Variants in HTRA2 observed in about 807,000 individuals in gnomAD.
The protein encoded by HTRA2 is serine protease HTRA2, mitochondrial.
HTRA2 carries 24 observed loss-of-function variants against 42.2 expected under a neutral mutation model. The ratio of observed to expected loss-of-function variants is 0.57; its 90% CI spans 0.41 to 0.80. HTRA2 has a LOEUF of 0.80. HTRA2 is among the 30% of genes least tolerant of loss of function. HTRA2 has a pLI of 0.00. For missense variants in HTRA2, 466 were observed against 613.5 expected, an observed-to-expected ratio of 0.76 and a Z score of 2.54; for synonymous variants, 245 against 255.8, an observed-to-expected ratio of 0.96 and a Z score of 0.40.
intron 4 of HTRA2, 55 bp from the exon 5 acceptor site, chr2:74,531,542 C>A: frequency 6.2e-7 from 1 of 1,612,864 alleles, no homozygotes; most frequent in Non-Finnish European, 8.5e-7. Flanking sequence ...TGTTCGGGTG[C>A]CCCCATCCCC....
chr2:74,531,186 G>A (rs1012038303), intron 3 of HTRA2, 81 bp downstream of exon 3: 1 of 1,554,256 alleles, frequency 6.4e-7, no homozygotes, highest in Non-Finnish European at 8.9e-7. Context: ...CTGATATATG[G>A]TGGATGAGCC....
rs1675543355 is a variant in HTRA2, at chr2:74,530,886, G to T, written c.712-25G>T. 1.2e-6 allele frequency: 2 copies of T among 1,614,142 alleles called. No homozygotes were observed. The highest frequency in any genetic ancestry group is 1.1e-5 in the South Asian group (1 of 91,080). On this transcript the variant is annotated intron_variant, in intron 2 of 7. Coordinates refer to ENST00000258080, the MANE Select transcript of HTRA2 (RefSeq NM_013247.5). The surrounding 1 kb of genome is among the most constrained non-coding windows in gnomAD (Gnocchi z 7.4). ...ATTTGCTCGCATCTTCAGATGACAG[G>T]TCTCTTTTACCCATTCTCCCTTAGG... is the stretch of plus-strand genomic sequence containing the variant.
Position 74,529,983 on chromosome 2 carries a change from G to A in HTRA2, c.-24G>A, listed in dbSNP as rs963881310. On this transcript the variant is annotated 5_prime_UTR_variant, in exon 1 of 8. Coordinates refer to ENST00000258080, the MANE Select transcript of HTRA2 (RefSeq NM_013247.5). ...GGTGCCGCCTCTGAGTAGGGCGGGC[G>A]AGGAGGCAGCCAAGGCGGAGCTGAT... 1.3e-6 allele frequency: 2 copies of A among 1,515,628 alleles called. No individual in the cohort carries two copies. The highest frequency in any genetic ancestry group is 2.8e-5 in the African/African-American group (2 of 71,990). The allele number at this position is 1,515,628 out of a possible 1,614,324, so 93.9% of individuals were successfully genotyped here. A position where few individuals can be genotyped will look rare whatever the true frequency, so the allele number is the denominator to read the frequency against.
intron 6 of HTRA2, 156 bp from the exon 7 acceptor site, chr2:74,532,463 G>C (rs1675682046): frequency 1.6e-5 from 11 of 690,502 alleles, no homozygotes; most frequent in South Asian, 1.4e-4. Flanking sequence ...GCACTTTATT[G>C]CTAGAAGACA....
In HTRA2 at chr2:74,530,995, C is replaced by T; in HGVS notation, c.796C>T (p.Leu266=). The part of the protein sequence containing the change: ...FVVAMGSPFA[L]QNTITSGIVS... ...TGTTGCCATGGGAAGTCCCTTTGCA[C>T]TGCAGAACACGATCACATCCGGCAT... The change falls in exon 3 of 8, where the codon CTG becomes TTG. Residue 266 remains leucine, a synonymous_variant. Transcript: ENST00000258080. This position sits in a 1 kb window ranked among gnomAD's most constrained non-coding sequence, Gnocchi z 7.4. 6.2e-7 allele frequency: 1 copy of T among 1,614,236 alleles called. No homozygotes were observed. Among genetic ancestry groups the T allele is most frequent in the Non-Finnish European group, 8.5e-7 (1 of 1,180,042 alleles).
chr2:74,530,721 G>T lies in HTRA2; in HGVS notation c.611G>T (p.Arg204Leu). 1.2e-6 allele frequency: 2 copies of T among 1,614,204 alleles called. No homozygotes were observed. The highest frequency in any genetic ancestry group is 1.7e-6 in the Non-Finnish European group (2 of 1,180,030). Residue 204 changes from arginine (R) to leucine (L), a missense_variant, in exon 2 of 8, where the codon CGC becomes CTC. By Grantham distance (102) the Arg-to-Leu change is moderately radical. Coordinates refer to ENST00000258080, the MANE Select transcript of HTRA2 (RefSeq NM_013247.5). The surrounding 1 kb of genome is among the most constrained non-coding windows in gnomAD (Gnocchi z 7.4). ...VTNAHVVADR[R>L]RVRVRLLSGD... Reference sequence around the variant, plus strand: ...AACGCCCATGTGGTGGCTGATCGGCGCAGAGTCCGTGTGAGACTGCTAAGC... The same window carrying T: ...AACGCCCATGTGGTGGCTGATCGGCTCAGAGTCCGTGTGAGACTGCTAAGC...
upstream of HTRA2, chr2:74,529,899 C>G (rs1675457332): frequency 2.9e-5 from 43 of 1,458,392 alleles, no homozygotes; most frequent in Non-Finnish European, 3.9e-5. Context: ...GCGTGCACTT[C>G]TGAAGGACTT....
In HTRA2 at chr2:74,530,896, C is replaced by A. The variant is rs749313302; in HGVS notation, c.712-15C>A. 1.9e-6 allele frequency: 3 copies of A among 1,614,160 alleles called. No homozygotes were observed. In the South Asian group the frequency reaches 3.3e-5, roughly 18 times the overall value. Reference sequence around the variant, plus strand: ...ATCTTCAGATGACAGGTCTCTTTTACCCATTCTCCCTTAGGAGCCTCTCCC... The same window carrying A: ...ATCTTCAGATGACAGGTCTCTTTTAACCATTCTCCCTTAGGAGCCTCTCCC... On this transcript the variant is annotated splice_polypyrimidine_tract_variant and intron_variant, in intron 2 of 7. Transcript: ENST00000258080. This position sits in a 1 kb window ranked among gnomAD's most constrained non-coding sequence, Gnocchi z 7.4.
Position 74,530,342 on chromosome 2 carries a change from C to A in HTRA2, c.336C>A (p.Gly112=). Residue 112 remains glycine, a synonymous_variant, in exon 1 of 8, where the codon GGC becomes GGA. Transcript: ENST00000258080. The surrounding 1 kb of genome is among the most constrained non-coding windows in gnomAD (Gnocchi z 7.4). ...RSRAWLAVAL[G]AGGAVLLLLW... Reference sequence around the variant, plus strand: ...GCGCGTGGCTGGCGGTGGCGCTGGGCGCTGGGGGGGCAGTGCTGTTGTTGT... The same window carrying A: ...GCGCGTGGCTGGCGGTGGCGCTGGGAGCTGGGGGGGCAGTGCTGTTGTTGT... 6.3e-7 allele frequency: 1 copy of A among 1,591,732 alleles called. No individual in the cohort carries two copies. Among genetic ancestry groups the A allele is most frequent in the Non-Finnish European group, 8.6e-7 (1 of 1,167,606 alleles).
Position 74,530,078 on chromosome 2 carries a change from C to T in HTRA2, c.72C>T (p.Arg24=), listed in dbSNP as rs1675472755. 2 of 1,593,676 alleles carry T rather than the reference C, an allele frequency of 1.3e-6. No homozygotes were observed. Among genetic ancestry groups the T allele is most frequent in the East Asian group, 4.5e-5 (2 of 44,330 alleles). Residue 24 remains arginine (R), a synonymous_variant, in exon 1 of 8, where the codon CGC becomes CGT. Coordinates refer to ENST00000258080, the MANE Select transcript of HTRA2 (RefSeq NM_013247.5). This position sits in a 1 kb window ranked among gnomAD's most constrained non-coding sequence, Gnocchi z 7.4. ...CATGGCGGGCTTTGGGGGGCATTCG[C>T]TGGGGGAGGAGACCCCGTTTGACCC... The part of the protein sequence containing the change: ...LRAWRALGGI[R]WGRRPRLTPD...
chr2:74,531,645 T>C lies in HTRA2; in HGVS notation c.988T>C (p.Ser330Pro). Reference sequence around the variant, plus strand: ...CACCATGAAGGTCACAGCTGGAATCTCCTTTGCCATCCCTTCTGATCGTCT... The same window carrying C: ...CACCATGAAGGTCACAGCTGGAATCCCCTTTGCCATCCCTTCTGATCGTCT... The part of the protein sequence containing the change: ...VNTMKVTAGI[S>P]FAIPSDRLRE... Residue 330 changes from serine (S) to proline (P), a missense_variant, in exon 5 of 8, where the codon TCC becomes CCC. By Grantham distance (74) the Ser-to-Pro change is moderately conservative. Coordinates refer to ENST00000258080, the MANE Select transcript of HTRA2 (RefSeq NM_013247.5). The C allele has an allele frequency of 6.2e-7, 1 of 1,614,170 alleles. No individual in the cohort carries two copies. The highest frequency in any genetic ancestry group is 8.5e-7 in the Non-Finnish European group (1 of 1,180,050).
upstream of HTRA2, chr2:74,529,481 G>A: frequency 6.4e-7 from 1 of 1,556,408 alleles, no homozygotes; most frequent in Non-Finnish European, 8.7e-7. Context: ...CGAGCAGTAG[G>A]AAGCAGTCAC....
downstream of HTRA2, chr2:74,533,357 G>A (rs1352544824): frequency 5.5e-6 from 3 of 542,246 alleles, no homozygotes; most frequent in Non-Finnish European, 9.9e-6. Context: ...GCTCTTTGTG[G>A]TGTGGTGGGC....
In HTRA2 at chr2:74,532,974, G is replaced by T. The variant is rs1448729436; in HGVS notation, c.1366G>T (p.Val456Phe). 1.2e-6 allele frequency: 2 copies of T among 1,613,850 alleles called. No homozygotes were observed. The highest frequency in any genetic ancestry group is 1.7e-6 in the Non-Finnish European group (2 of 1,179,926). ...ACTGACCTTATATGTGACCCCTGAG[G>T]TCACAGAATGAATAGATCACCAAGA... ...ETLTLYVTPE[V>F]TE Residue 456 changes from valine to phenylalanine, a missense_variant, in exon 8 of 8, where the codon GTC (valine) becomes TTC (phenylalanine). Coordinates refer to ENST00000258080, the MANE Select transcript of HTRA2 (RefSeq NM_013247.5).
chr2:74,531,401 C>G (rs1046251279), intron 4 of HTRA2, 30 bp downstream of exon 4: 2 of 1,613,348 alleles, frequency 1.2e-6, no homozygotes, highest in Non-Finnish European at 1.7e-6. Flanking sequence ...TTCCAAGAAT[C>G]CCTGCCCCAG....
Position 74,530,534 on chromosome 2 carries a change from G to C in HTRA2, c.506+22G>C. The C allele has an allele frequency of 6.2e-7, 1 of 1,613,438 alleles. No individual in the cohort carries two copies. Among genetic ancestry groups the C allele is most frequent in the African/African-American group, 1.3e-5 (1 of 75,050 alleles). Reference sequence around the variant, plus strand: ...ACCGGTAATGGTGGGGGTAGACCGGGAGGCACTGAAGCCACAGGCTGGAGG... The same window carrying C: ...ACCGGTAATGGTGGGGGTAGACCGGCAGGCACTGAAGCCACAGGCTGGAGG... On this transcript the variant is annotated intron_variant, in intron 1 of 7. Transcript: ENST00000258080. This position sits in a 1 kb window ranked among gnomAD's most constrained non-coding sequence, Gnocchi z 7.4.
rs760279402 is a variant in HTRA2, at chr2:74,531,333, C to T, written c.907-6C>T. ...ATCTCTTTCATGTTTTCTCCTTGTC[C>T]TACAGTTTGGAAACTCTGGAGGTCC... is the stretch of plus-strand genomic sequence containing the variant. On this transcript the variant is annotated splice_region_variant and splice_polypyrimidine_tract_variant and intron_variant, in intron 3 of 7. Transcript: ENST00000258080. 7 of 1,614,032 alleles carry T rather than the reference C, an allele frequency of 4.3e-6. No individual in the cohort carries two copies. The highest frequency in any genetic ancestry group is 5.9e-6 in the Non-Finnish European group (7 of 1,179,884).
At chr2:74,529,663 C>T (rs759846717), upstream of HTRA2, 7 of 1,545,154 alleles carry the variant, frequency 4.5e-6, 1 homozygote, top group South Asian at 7.1e-5. Context: ...GCCGTCGCCG[C>T]CGCCGCCATT....
chr2:74,531,534 T>C, intron 4 of HTRA2, 63 bp from the exon 5 acceptor site: 1 of 1,612,714 alleles, frequency 6.2e-7, no homozygotes. Context: ...GGTACTTTTG[T>C]TCGGGTGCCC....
Sources: allele counts gnomAD v4.1 joint callset, GRCh38; gene constraint gnomAD v4.1.1; non-coding constraint Gnocchi (gnomAD v3.1); transcripts MANE v1.5; gene names NCBI Gene and HGNC (gene_info 2026-07-23, HGNC 2026-07-21).